The following ANO2 variants were observed in gnomAD, a reference collection of about 807,000 sequenced individuals.
ANO2 encodes anoctamin-2.
ANO2 carries 101 observed loss-of-function variants against 124.2 expected under a neutral mutation model. That is an observed-to-expected ratio of 0.81 (90% CI 0.69 to 0.96). The LOEUF (loss-of-function observed/expected upper bound fraction) is 0.96. Ranked by LOEUF, ANO2 falls within the 40% of genes least tolerant of loss-of-function variation. The pLI is 0.00. For missense variants in ANO2, 1,293 were observed against 1,274.5 expected, an observed-to-expected ratio of 1.01 and a Z score of -0.22; for synonymous variants, 486 against 482.5, an observed-to-expected ratio of 1.01 and a Z score of -0.09.
intron 1 of ANO2, among the ~76,000 whole-genome samples, chr12:5,928,717 T>C (rs1416968051): frequency 7.3e-5 from 7 of 96,166 alleles, no homozygotes; most frequent in Non-Finnish European, 1.4e-4. Context: ...GTCACTTTCT[T>C]ACCAGTCTTC....
chr12:5,587,854 T>G (rs1165211336), intron 20 of ANO2, among the ~76,000 whole-genome samples: 1 of 151,988 alleles, frequency 6.6e-6, no homozygotes, highest in Non-Finnish European at 1.5e-5. Flanking sequence ...CAGCCTCCCT[T>G]CACCTCGCAG....
chr12:5,614,684 G>A lies in ANO2; in HGVS notation c.1928+502C>T, dbSNP rs1175883843. On this transcript the variant is annotated intron_variant, in intron 17 of 24. Transcript: ENST00000682330. Reference sequence around the variant, plus strand: ...CTGTGAGTCATTCTAGTGAATTATTGAATCTGATGGAGTAATGAGAGCTCT... The same window carrying A: ...CTGTGAGTCATTCTAGTGAATTATTAAATCTGATGGAGTAATGAGAGCTCT... Among the ~76,000 whole-genome samples, 3 of 152,128 alleles carry A rather than the reference G, an allele frequency of 2.0e-5. No homozygotes were observed. The East Asian group carries it at 5.8e-4, about 29-fold the overall frequency.
intron 4 of ANO2, among the ~76,000 whole-genome samples, chr12:5,842,344 A>C (rs1322885001): frequency 6.6e-6 from 1 of 152,110 alleles, no homozygotes; most frequent in Admixed American, 6.5e-5. Flanking sequence ...GGTGGATGGA[A>C]AACGTAACTT....
At chr12:5,605,673 G>C (rs1322980452) in intron 19 of ANO2, among the ~76,000 whole-genome samples, 2 of 152,106 alleles carry the variant, frequency 1.3e-5, no homozygotes, top group Non-Finnish European at 2.9e-5. Context: ...GTTGGGCTGT[G>C]GTGTGGCATG....
rs1952022691 is a variant in ANO2, at chr12:5,769,967, G to C, written c.1056-18997C>G. 1.3e-5 allele frequency among the ~76,000 whole-genome samples: 2 copies of C among 152,226 alleles called. No homozygotes were observed. Among genetic ancestry groups the C allele is most frequent in the African/African-American group, 4.8e-5 (2 of 41,468 alleles). On this transcript the variant is annotated intron_variant, in intron 10 of 24. Transcript: ENST00000682330. This position sits in a 1 kb window ranked among gnomAD's most constrained non-coding sequence, Gnocchi z 4.0. ...GGCAATGTACAAAATTCACAAGCCT[G>C]TGTGGCAGCCCGAGAAGGAGAGATA...
At chr12:5,782,070 C>G (rs1233223929) in intron 10 of ANO2, among the ~76,000 whole-genome samples, 1 of 152,160 alleles carries the variant, frequency 6.6e-6, no homozygotes, top group East Asian at 1.9e-4. Flanking sequence ...ACTGATTTGT[C>G]TATTTCTCCT....
chr12:5,679,721 C>T (rs1484601940), intron 14 of ANO2, among the ~76,000 whole-genome samples: 2 of 152,180 alleles, frequency 1.3e-5, no homozygotes, highest in Non-Finnish European at 2.9e-5. Context: ...TTGTGGAAGA[C>T]AGCGTGGTGA....
intron 14 of ANO2, among the ~76,000 whole-genome samples, chr12:5,662,985 TC>T (rs1303108819): frequency 6.6e-6 from 1 of 152,190 alleles, no homozygotes; most frequent in Non-Finnish European, 1.5e-5. Context: ...CCCTGACACT[TC>T]CTGCAGACAC....
At chr12:5,786,654 C>T (rs1352897534) in intron 10 of ANO2, among the ~76,000 whole-genome samples, 2 of 152,132 alleles carry the variant, frequency 1.3e-5, no homozygotes, top group Non-Finnish European at 2.9e-5. Context: ...TTGCCATCAC[C>T]GCTGCACATC....
chr12:5,587,507 A>G (rs897402820), intron 20 of ANO2, among the ~76,000 whole-genome samples: 4 of 152,188 alleles, frequency 2.6e-5, no homozygotes, highest in African/African-American at 9.6e-5. Context: ...GGAAAACCCC[A>G]TGACAGGGCT....
At chr12:5,809,276 AGGGAGGAGTCCCAAGCC>A (rs1020775326) in intron 7 of ANO2, among the ~76,000 whole-genome samples, 1 of 152,150 alleles carries the variant, frequency 6.6e-6, no homozygotes, top group African/African-American at 2.4e-5. Context: ...CCATAATCAA[AGGGAGGAGTCCCAAGCC>A]GGGAGGGGAG....
At chr12:5,808,590 T>C (rs954174705) in intron 7 of ANO2, among the ~76,000 whole-genome samples, 1 of 152,204 alleles carries the variant, frequency 6.6e-6, no homozygotes, top group Non-Finnish European at 1.5e-5. Context: ...CTTTCTGCCC[T>C]GAACCATTCT....
chr12:5,775,463 T>C lies in ANO2; in HGVS notation c.1055+24044A>G, dbSNP rs1952206410. On this transcript the variant is annotated intron_variant, in intron 10 of 24. Transcript: ENST00000682330. ...CATCCTCCTGAGCACCATCAATCCT[T>C]TTTTTTTTTTTTTTTTGAGATGGAG... is the stretch of plus-strand genomic sequence containing the variant. Among the ~76,000 whole-genome samples the C allele has an allele frequency of 2.1e-5, 3 of 141,862 alleles. No individual in the cohort carries two copies. The South Asian group carries it at 6.6e-4, about 31-fold the overall frequency. The allele number at this position is 141,862 out of a possible 152,430, so 93.1% of individuals were successfully genotyped here.
At chr12:5,681,490 T>A (rs1404050484) in intron 14 of ANO2, among the ~76,000 whole-genome samples, 1 of 151,490 alleles carries the variant, frequency 6.6e-6, no homozygotes, top group African/African-American at 2.4e-5. Context: ...CCTTAAGGAG[T>A]TTTTGGAGTT....
intron 14 of ANO2, among the ~76,000 whole-genome samples, chr12:5,677,656 T>G (rs905011160): frequency 1.3e-5 from 2 of 152,120 alleles, no homozygotes. Context: ...GCACCACCCA[T>G]GCCTACTGGA....
intron 6 of ANO2, among the ~76,000 whole-genome samples, chr12:5,828,502 G>GT (rs1195580408): frequency 1.3e-5 from 2 of 152,184 alleles, no homozygotes; most frequent in Non-Finnish European, 1.5e-5. Flanking sequence ...TATTTCTCTG[G>GT]TTTTTTCCTG....
chr12:5,784,238 C>T (rs1952480634), intron 10 of ANO2, among the ~76,000 whole-genome samples: 2 of 152,186 alleles, frequency 1.3e-5, no homozygotes, highest in African/African-American at 4.8e-5. Context: ...GCCACTGAAC[C>T]TTCCAGGAGG....
At chr12:5,901,349 C>G (rs1023036066) in intron 3 of ANO2, among the ~76,000 whole-genome samples, 43 of 152,098 alleles carry the variant, frequency 2.8e-4, no homozygotes, top group African/African-American at 9.4e-4. Flanking sequence ...GGAGGTGATA[C>G]CCCAACAAGA....
intron 16 of ANO2, among the ~76,000 whole-genome samples, chr12:5,632,879 C>T (rs536374951): frequency 6.6e-6 from 1 of 152,208 alleles, no homozygotes; most frequent in Middle Eastern, 3.4e-3. Context: ...ACTTCCTGCC[C>T]GCACACTCAG....
Sources: gnomAD v4.1 joint callset for allele counts (sites outside exome capture counted in the v4.1 genomes callset) on GRCh38, gnomAD v4.1.1 for gene constraint, Gnocchi (gnomAD v3.1) non-coding constraint, MANE v1.5 for transcripts, NCBI Gene and HGNC (gene_info 2026-07-23, HGNC 2026-07-21) for gene names.